The following PLD5 variants were observed in gnomAD, a reference collection of about 807,000 sequenced individuals.
The protein encoded by PLD5 is phospholipase D family member 5.
Under a neutral mutation model 61.1 loss-of-function variants are expected in PLD5, and 36 were observed. The observed-to-expected ratio is 0.59, with a 90% CI of 0.45 to 0.78. The LOEUF is 0.78. Ranked by LOEUF, PLD5 falls within the 30% of genes least tolerant of loss-of-function variation. PLD5 has a pLI of 0.00. For missense variants in PLD5, 515 were observed against 644.4 expected (o/e 0.80, Z 2.17); for synonymous variants, 243 against 242.8 (o/e 1.00, Z -0.01).
upstream of PLD5, among the ~76,000 whole-genome samples, chr1:242,525,154 C>T (rs976537794): frequency 9.2e-5 from 14 of 152,212 alleles, no homozygotes; most frequent in African/African-American, 3.4e-4. Context: ...CAGCATTCCC[C>T]CCTGAAAATA....
At chr1:242,153,186 C>T (rs527702169) in intron 5 of PLD5, among the ~76,000 whole-genome samples, 76 of 152,022 alleles carry the variant, frequency 5.0e-4, no homozygotes, top group African/African-American at 1.8e-3. Context: ...TATCCTTTGT[C>T]TACTTTTTGA....
intron 8 of PLD5, among the ~76,000 whole-genome samples, chr1:242,105,074 A>G (rs1289904802): frequency 1.1e-4 from 17 of 152,172 alleles, no homozygotes; most frequent in Non-Finnish European, 2.5e-4. Flanking sequence ...GGGTGGAGAG[A>G]TGAAAACTCA....
intron 1 of PLD5, among the ~76,000 whole-genome samples, chr1:242,433,960 G>A (rs1304642736): frequency 6.6e-6 from 1 of 152,214 alleles, no homozygotes; most frequent in Non-Finnish European, 1.5e-5. Context: ...GAATGAGGAG[G>A]AAGGCAGATT....
At chr1:242,388,070 T>C (rs1269567103) in intron 1 of PLD5, among the ~76,000 whole-genome samples, 1 of 152,174 alleles carries the variant, frequency 6.6e-6, no homozygotes, top group African/African-American at 2.4e-5. Context: ...CAACAGAAAC[T>C]ATTGTCACAG....
chr1:242,300,788 G>C (rs531439653), intron 2 of PLD5, among the ~76,000 whole-genome samples: 1 of 152,026 alleles, frequency 6.6e-6, no homozygotes, highest in Non-Finnish European at 1.5e-5. Context: ...TTAGAAGACC[G>C]CTGCGATAGC....
intron 5 of PLD5, among the ~76,000 whole-genome samples, chr1:242,131,752 G>A (rs569117733): frequency 1.3e-5 from 2 of 152,034 alleles, no homozygotes; most frequent in East Asian, 3.9e-4. Flanking sequence ...TCCTCTTTCT[G>A]CCTAGGTGTT....
intron 5 of PLD5, among the ~76,000 whole-genome samples, chr1:242,145,725 T>A (rs767902046): frequency 2.6e-5 from 4 of 152,074 alleles, no homozygotes; most frequent in Non-Finnish European, 5.9e-5. Context: ...CAGGTTGGAG[T>A]ACAGTGGCAT....
chr1:242,105,355 CT>C (rs1203232712), intron 8 of PLD5, among the ~76,000 whole-genome samples: 8 of 151,962 alleles, frequency 5.3e-5, no homozygotes. Context: ...TCCCAAGTAG[CT>C]AGGATTACAG....
At chr1:242,217,133 T>C (rs1264661118) in intron 5 of PLD5, among the ~76,000 whole-genome samples, 1 of 152,236 alleles carries the variant, frequency 6.6e-6, no homozygotes, top group South Asian at 2.1e-4. Flanking sequence ...CTGACGAAGA[T>C]GGGCAAGGAG....
At chr1:242,433,190 G>A (rs60241552) in intron 1 of PLD5, among the ~76,000 whole-genome samples, 1 of 152,124 alleles carries the variant, frequency 6.6e-6, no homozygotes, top group Admixed American at 6.5e-5. Context: ...TGTTCAACAA[G>A]GCTCAATAGA....
intron 8 of PLD5, among the ~76,000 whole-genome samples, chr1:242,104,693 G>GT (rs1660917250): frequency 6.6e-6 from 1 of 152,038 alleles, no homozygotes. Flanking sequence ...TATCTCTTAA[G>GT]TTTTTTTGTA....
In PLD5 at chr1:242,524,193, C is replaced by G; in HGVS notation, c.84G>C (p.Glu28Asp). 2.0e-6 allele frequency: 3 copies of G among 1,534,070 alleles called. No individual in the cohort carries two copies. Among genetic ancestry groups the G allele is most frequent in the Non-Finnish European group, 2.6e-6 (3 of 1,145,916 alleles). ...CCACTCGGGTCAGGCTTGGGGAGGGCTCCTTGGGGCGGCTTTTGAGCCTCA... is the reference window on the plus strand; with the variant it reads ...CCACTCGGGTCAGGCTTGGGGAGGGGTCCTTGGGGCGGCTTTTGAGCCTCA... ...EQMRLKSRPK[E>D]PSPSLTRVGA... The change falls in exon 1 of 10, where the codon GAG (glutamate) becomes GAC (aspartate). Residue 28 changes from glutamate to aspartate, a missense_variant. By Grantham distance (45) the Glu-to-Asp change is conservative. Coordinates refer to ENST00000536534, the MANE Select transcript of PLD5 (RefSeq NM_001372062.1).
At chr1:242,448,030 A>ATTATTTATTTAT (rs538224233) in intron 1 of PLD5, among the ~76,000 whole-genome samples, 2 of 152,262 alleles carry the variant, frequency 1.3e-5, no homozygotes, top group African/African-American at 4.8e-5. Flanking sequence ...AGATATGTGC[A>ATTATTTATTTAT]TTATTTATTT....
chr1:242,275,219 T>C (rs1674346813), intron 3 of PLD5, among the ~76,000 whole-genome samples: 1 of 152,124 alleles, frequency 6.6e-6, no homozygotes, highest in Non-Finnish European at 1.5e-5. Flanking sequence ...GCATTGATTT[T>C]TTTTTTAATT....
chr1:242,150,271 A>C (rs1481682320), intron 5 of PLD5, among the ~76,000 whole-genome samples: 2 of 151,702 alleles, frequency 1.3e-5, no homozygotes, highest in Admixed American at 1.3e-4. Flanking sequence ...TAAATATAAT[A>C]TCTGTTGTAC....
chr1:242,434,116 G>A (rs892266908), intron 1 of PLD5, among the ~76,000 whole-genome samples: 1 of 152,206 alleles, frequency 6.6e-6, no homozygotes, highest in Non-Finnish European at 1.5e-5. Flanking sequence ...CTAAGAAGCT[G>A]CAGGCAGCAA....
chr1:242,256,925 A>G lies in PLD5; in HGVS notation c.607+8412T>C, dbSNP rs532457158. ...TCTTTTTTCATCTATCTATCTATCT[A>G]TCTATCTAATCTATCTCTACCTACT... On this transcript the variant is annotated intron_variant, in intron 4 of 9. Coordinates refer to ENST00000536534, the MANE Select transcript of PLD5 (RefSeq NM_001372062.1). The surrounding 1 kb of genome is among the most constrained non-coding windows in gnomAD (Gnocchi z 5.7). Among the ~76,000 whole-genome samples, 1 of 135,304 alleles carries G rather than the reference A, an allele frequency of 7.4e-6. No homozygotes were observed. Among genetic ancestry groups the G allele is most frequent in the South Asian group, 2.4e-4 (1 of 4,152 alleles). 88.8% of individuals were successfully genotyped at this position (135,304 alleles called of 152,430 possible). A position where few individuals can be genotyped will look rare whatever the true frequency, so the allele number is the denominator to read the frequency against.
At position 242,100,739 on chromosome 1, in the gene PLD5, T is replaced by A. The variant is rs781233383; in HGVS notation, c.1283A>T (p.Glu428Val). The change falls in exon 9 of 10, where the codon GAA becomes GTA. Residue 428 changes from glutamate (E) to valine (V), a missense_variant. Coordinates refer to ENST00000536534, the MANE Select transcript of PLD5 (RefSeq NM_001372062.1). ...LERENACATK[E>V]QKNHTFPRLN... ...CCTAGGAAAGGTGTGATTCTTTTGT[T>A]CTTTTGTAGCACAAGCATTCTCTCT... The A allele has an allele frequency of 6.2e-7, 1 of 1,614,102 alleles. No individual in the cohort carries two copies. Among genetic ancestry groups the A allele is most frequent in the South Asian group, 1.1e-5 (1 of 91,080 alleles).
At chr1:242,213,861 G>GTT (rs200294841) in intron 5 of PLD5, among the ~76,000 whole-genome samples, 147 of 142,508 alleles carry the variant, frequency 1.0e-3, no homozygotes, top group East Asian at 8.1e-4. Context: ...TCTAGAATGG[G>GTT]TTTTTTTTTT....
Sources: gnomAD v4.1 joint callset for allele counts (sites outside exome capture counted in the v4.1 genomes callset) on GRCh38, gnomAD v4.1.1 for gene constraint, Gnocchi (gnomAD v3.1) non-coding constraint, MANE v1.5 for transcripts, NCBI Gene and HGNC (gene_info 2026-07-23, HGNC 2026-07-21) for gene names.